ASMT: variants seen among roughly 807,000 people sequenced by gnomAD.
ASMT encodes the protein acetylserotonin N-methyltransferase.
Under a neutral mutation model 41.3 loss-of-function variants are expected in ASMT, and 53 were observed. That is an observed-to-expected ratio of 1.28 (90% CI 1.03 to 1.61). The LOEUF (loss-of-function observed/expected upper bound fraction) is 1.61, where lower values mean the gene tolerates loss of function less well. Among genes scored for constraint, ASMT ranks in the 40% most tolerant of loss-of-function variants. The pLI is 0.00. For synonymous variants in ASMT, 231 were observed against 184.8 expected (o/e 1.25, Z -2.03); for missense variants, 531 against 441.3 (o/e 1.20, Z -1.82).
chrX:1,619,586 AT>A (rs1470296669), intron 1 of ASMT, among the ~76,000 whole-genome samples: 5 of 146,674 alleles, frequency 3.4e-5, no homozygotes, highest in African/African-American at 1.0e-4. Flanking sequence ...AATAATAATA[AT>A]AAAAAGTCTT....
intron 1 of ASMT, 136 bp downstream of exon 1, chrX:1,615,404 C>T (rs185681403): frequency 1.1e-6 from 1 of 914,332 alleles, no homozygotes; most frequent in Non-Finnish European, 1.8e-6. Context: ...AAGACGTACA[C>T]CCACGATGTA....
At chrX:1,628,347 G>T (rs1249896653) in intron 4 of ASMT, among the ~76,000 whole-genome samples, 1 of 152,102 alleles carries the variant, frequency 6.6e-6, no homozygotes, top group Non-Finnish European at 1.5e-5. Flanking sequence ...AGAATATAGA[G>T]GCCCAGTTTT....
At chrX:1,621,691 T>A (rs1439071282) in intron 1 of ASMT, among the ~76,000 whole-genome samples, 1 of 151,924 alleles carries the variant, frequency 6.6e-6, no homozygotes, top group Non-Finnish European at 1.5e-5. Context: ...TATTTTTATA[T>A]GTATTTATTT....
intron 8 of ASMT, among the ~76,000 whole-genome samples, chrX:1,641,519 T>G (rs1367245136): frequency 1.4e-5 from 2 of 148,096 alleles, no homozygotes; most frequent in African/African-American, 2.5e-5. Flanking sequence ...GCACAGCCTC[T>G]GTGTGTGTGT....
At chrX:1,619,189 T>A (rs1258696823) in intron 1 of ASMT, among the ~76,000 whole-genome samples, 4 of 150,768 alleles carry the variant, frequency 2.7e-5, no homozygotes, top group South Asian at 2.1e-4. Flanking sequence ...AGGTCAGGAG[T>A]TCGAGACCAG....
rs1285207493 is a variant in ASMT, at chrX:1,633,178, C to A, written c.675C>A (p.Cys225Ter). ...IGGAGALAKE[C>*]MSLYPGCKIT... ...GGGCTGGAGCTCTGGCTAAGGAATG[C>A]ATGTCTCTGTACCCTGGATGTAAGA... Residue 225 changes from cysteine (C) to a stop codon, truncating the protein, a stop_gained, in exon 7 of 9, where the codon TGC becomes TGA. Transcript: ENST00000381241. LOFTEE classifies it high-confidence loss of function. 5 of 1,613,736 alleles carry A rather than the reference C, an allele frequency of 3.1e-6. No individual in the cohort carries two copies. The highest frequency in any genetic ancestry group is 4.2e-6 in the Non-Finnish European group (5 of 1,179,860).
intron 1 of ASMT, among the ~76,000 whole-genome samples, chrX:1,616,063 C>G (rs1463161276): frequency 1.3e-5 from 2 of 151,722 alleles, no homozygotes; most frequent in South Asian, 2.1e-4. Context: ...GAGTCTCACT[C>G]TGTAACCCAG....
rs1934846835 is a variant in ASMT at position 1,633,310 on chromosome X, G to T, written c.787+20G>T. 6.2e-7 allele frequency: 1 copy of T among 1,613,756 alleles called. No individual in the cohort carries two copies. The highest frequency in any genetic ancestry group is 8.5e-7 in the Non-Finnish European group (1 of 1,179,842). On this transcript the variant is annotated intron_variant, in intron 7 of 8. Transcript: ENST00000381241. ...AGGAAGGTGTGTTTGTGTCCGTGGG[G>T]AAGCAGAGATGTGTCTCACGGCTTC...
At chrX:1,625,729 C>A (rs753903256) in intron 3 of ASMT, among the ~76,000 whole-genome samples, 2 of 151,200 alleles carry the variant, frequency 1.3e-5, no homozygotes, top group African/African-American at 2.4e-5. Context: ...CTGAGGCGGG[C>A]GGATCACGAG....
Position 1,633,183 on chromosome X carries a change from C to T in ASMT, c.680C>T (p.Ser227Phe), listed in dbSNP as rs760022911. The change falls in exon 7 of 9, where the codon TCT becomes TTT. Residue 227 changes from serine to phenylalanine, a missense_variant. By Grantham distance (155) the Ser-to-Phe change is radical (BLOSUM62 -2). Coordinates refer to ENST00000381241, the MANE Select transcript of ASMT (RefSeq NM_001171038.2). ...GGAGCTCTGGCTAAGGAATGCATGTCTCTGTACCCTGGATGTAAGATCACC... is the reference window on the plus strand; with the variant it reads ...GGAGCTCTGGCTAAGGAATGCATGTTTCTGTACCCTGGATGTAAGATCACC... ...GAGALAKECM[S>F]LYPGCKITVF... 1.9e-6 allele frequency: 3 copies of T among 1,613,746 alleles called. No individual in the cohort carries two copies. The highest frequency in any genetic ancestry group is 2.2e-5 in the South Asian group (2 of 91,076).
At chrX:1,624,447 G>A in intron 3 of ASMT, 49 bp downstream of exon 3, 1 of 1,595,526 alleles carries the variant, frequency 6.3e-7, no homozygotes, top group Non-Finnish European at 8.6e-7. Context: ...CTGCACCCAG[G>A]CAGATGCTGG....
chrX:1,622,998 CAAA>C, intron 1 of ASMT, 138 bp from the exon 2 acceptor site: 1 of 589,486 alleles, frequency 1.7e-6, no homozygotes, highest in Non-Finnish European at 2.8e-6. Context: ...GACTCTGTCT[CAAA>C]AAAAAAAATA....
At chrX:1,621,758 C>T (rs1259510319) in intron 1 of ASMT, among the ~76,000 whole-genome samples, 2 of 152,180 alleles carry the variant, frequency 1.3e-5, no homozygotes, top group African/African-American at 4.8e-5. Flanking sequence ...TGCAATGGCA[C>T]GATCTCGGCT....
chrX:1,626,834 C>T (rs1880587342), intron 3 of ASMT, among the ~76,000 whole-genome samples: 1 of 147,602 alleles, frequency 6.8e-6, no homozygotes. Context: ...TCGAGACCAG[C>T]CTGACCAACA....
chrX:1,633,343 G>A, intron 7 of ASMT, 53 bp downstream of exon 7: 2 of 1,609,598 alleles, frequency 1.2e-6, no homozygotes, highest in Admixed American at 1.7e-5. Context: ...TTCTCCAGGG[G>A]GACTGGATGT....
intron 1 of ASMT, among the ~76,000 whole-genome samples, chrX:1,616,907 A>G (rs1569368731): frequency 6.6e-6 from 1 of 151,586 alleles, no homozygotes; most frequent in Admixed American, 6.6e-5. Context: ...ACGGGGTTTC[A>G]CCGTGTTAGC....
intron 1 of ASMT, among the ~76,000 whole-genome samples, chrX:1,617,149 G>T (rs1201950454): frequency 6.6e-6 from 1 of 151,736 alleles, no homozygotes; most frequent in Non-Finnish European, 1.5e-5. Context: ...CTCCAGCCTG[G>T]ATGACAGAGC....
At chrX:1,636,593 T>C (rs1603461716) in intron 8 of ASMT, 33 bp downstream of exon 8, 8 of 1,613,772 alleles carry the variant, frequency 5.0e-6, no homozygotes, top group African/African-American at 4.0e-5. Context: ...CAGCGTGTGC[T>C]TGTGACACGG....
Position 1,623,237 on chromosome X carries a change from C to T in ASMT, c.168C>T (p.Ser56=), listed in dbSNP as rs150353398. 6.6e-5 allele frequency: 106 copies of T among 1,613,580 alleles called. No individual in the cohort carries two copies. The highest frequency in any genetic ancestry group is 1.9e-4 in the African/African-American group (14 of 74,896). ...VAAVAAGVRA[S]AHGTELLLDI... ...CAGTGGCTGCAGGTGTGAGGGCCAGCGCCCATGGGACAGAGCTCCTGCTGG... is the reference window on the plus strand; with the variant it reads ...CAGTGGCTGCAGGTGTGAGGGCCAGTGCCCATGGGACAGAGCTCCTGCTGG... Residue 56 remains serine, a synonymous_variant, in exon 2 of 9, where the codon AGC becomes AGT. Coordinates refer to ENST00000381241, the MANE Select transcript of ASMT (RefSeq NM_001171038.2).
Sources: gnomAD v4.1 joint callset for allele counts (sites outside exome capture counted in the v4.1 genomes callset) on GRCh38, gnomAD v4.1.1 for gene constraint, MANE v1.5 for transcripts, NCBI Gene and HGNC (gene_info 2026-07-23, HGNC 2026-07-21) for gene names.